Variants in HECW2 observed in about 807,000 individuals in gnomAD.
The protein encoded by HECW2 is HECT, C2 and WW domain containing E3 ubiquitin protein ligase 2.
A neutral mutation model predicts 175.2 loss-of-function variants in HECW2; 61 were observed. The ratio of observed to expected loss-of-function variants is 0.35; its 90% CI spans 0.28 to 0.43. The LOEUF (loss-of-function observed/expected upper bound fraction) is 0.43. HECW2 is among the 20% of genes least tolerant of loss of function. The pLI is 1.00. For missense variants in HECW2, 1,524 were observed against 2,000.5 expected (o/e 0.76, Z 4.54); for synonymous variants, 671 against 731.0 (o/e 0.92, Z 1.32).
intron 3 of HECW2, among the ~76,000 whole-genome samples, chr2:196,342,986 T>C (rs1311825276): frequency 6.6e-6 from 1 of 150,734 alleles, no homozygotes; most frequent in African/African-American, 2.4e-5. Context: ...ATGTAAAATA[T>C]AAAATATACT....
intron 2 of HECW2, among the ~76,000 whole-genome samples, chr2:196,400,022 C>T (rs1694776261): frequency 6.6e-6 from 1 of 152,060 alleles, no homozygotes; most frequent in South Asian, 2.1e-4. Context: ...TGGGTGCCTG[C>T]TAAAATAATA....
chr2:196,488,304 T>C (rs1687073966), intron 1 of HECW2, among the ~76,000 whole-genome samples: 1 of 152,208 alleles, frequency 6.6e-6, no homozygotes, highest in Non-Finnish European at 1.5e-5. Flanking sequence ...ATATATCACA[T>C]TATATTTCTG....
At chr2:196,409,973 A>G (rs574018684) in intron 2 of HECW2, among the ~76,000 whole-genome samples, 1 of 152,326 alleles carries the variant, frequency 6.6e-6, no homozygotes, top group Non-Finnish European at 1.5e-5. Flanking sequence ...GGTTTGGTAG[A>G]GTTTGGGGGT....
At chr2:196,379,319 C>CT (rs1383370605) in intron 2 of HECW2, among the ~76,000 whole-genome samples, 2 of 152,122 alleles carry the variant, frequency 1.3e-5, no homozygotes, top group Non-Finnish European at 2.9e-5. Context: ...TGAGAATACT[C>CT]TATGTCCTGA....
chr2:196,327,496 T>C (rs926027441), intron 5 of HECW2, among the ~76,000 whole-genome samples: 6 of 152,222 alleles, frequency 3.9e-5, no homozygotes, highest in Non-Finnish European at 8.8e-5. Context: ...ATTTGCAGCA[T>C]GTTTAAAATA....
chr2:196,491,543 T>C (rs760449292), intron 1 of HECW2, among the ~76,000 whole-genome samples: 11 of 151,014 alleles, frequency 7.3e-5, no homozygotes, highest in Non-Finnish European at 1.5e-4. Flanking sequence ...CACATATATA[T>C]GTATATATGG....
chr2:196,513,585 A>G (rs1221480816), intron 1 of HECW2, among the ~76,000 whole-genome samples: 1 of 152,236 alleles, frequency 6.6e-6, no homozygotes, highest in Non-Finnish European at 1.5e-5. Flanking sequence ...AAGGGCTTAC[A>G]TTCTTGTTGG....
intron 10 of HECW2, among the ~76,000 whole-genome samples, chr2:196,311,415 A>G (rs1483461451): frequency 6.6e-6 from 1 of 152,202 alleles, no homozygotes; most frequent in Non-Finnish European, 1.5e-5. Context: ...AATTAATAAG[A>G]ACTTAAAACA....
chr2:196,323,898 AGTTTTTTTTGTTTTTTGTTT>A (rs1208683705), intron 6 of HECW2, among the ~76,000 whole-genome samples: 3 of 133,844 alleles, frequency 2.2e-5, no homozygotes, highest in African/African-American at 9.0e-5. Flanking sequence ...TGCCCTTAAG[AGTTTTTTTTGTTTTTTGTTT>A]GTTTTTTTTT....
chr2:196,591,769 T>A (rs1455537086), intron 1 of HECW2, among the ~76,000 whole-genome samples: 15 of 152,214 alleles, frequency 9.9e-5, no homozygotes, highest in African/African-American at 3.6e-4. Flanking sequence ...CCCGCAGGAA[T>A]CTTCTGATGA....
At chr2:196,420,267 G>C (rs1411772545) in intron 2 of HECW2, among the ~76,000 whole-genome samples, 3 of 152,152 alleles carry the variant, frequency 2.0e-5, no homozygotes, top group African/African-American at 7.2e-5. Flanking sequence ...CATATGAACT[G>C]CACACTACTG....
At chr2:196,463,399 A>G (rs1381832821) in intron 1 of HECW2, among the ~76,000 whole-genome samples, 1 of 142,204 alleles carries the variant, frequency 7.0e-6, no homozygotes, top group Non-Finnish European at 1.5e-5. Flanking sequence ...ACCACCCTCT[A>G]CCCTGCAAAA....
chr2:196,243,064 T>C (rs1688518966), intron 19 of HECW2, among the ~76,000 whole-genome samples: 1 of 152,214 alleles, frequency 6.6e-6, no homozygotes, highest in Admixed American at 6.5e-5. Flanking sequence ...AATCTCATAT[T>C]GCAGGGTAAA....
At chr2:196,563,970 C>G (rs1690094475) in intron 1 of HECW2, among the ~76,000 whole-genome samples, 1 of 152,182 alleles carries the variant, frequency 6.6e-6, no homozygotes. Flanking sequence ...CACACAGTAT[C>G]ATCCCAGAGA....
At chr2:196,433,770 A>AC (rs1263101297) in intron 1 of HECW2, among the ~76,000 whole-genome samples, 2 of 151,732 alleles carry the variant, frequency 1.3e-5, no homozygotes, top group African/African-American at 2.4e-5. Flanking sequence ...TTTCCCAAAC[A>AC]CCCCACGTTC....
At chr2:196,401,929 G>A (rs956904379) in intron 2 of HECW2, among the ~76,000 whole-genome samples, 6 of 152,016 alleles carry the variant, frequency 3.9e-5, no homozygotes, top group East Asian at 1.9e-4. Context: ...TGCCAGGCGC[G>A]GTGGCTCACG....
intron 19 of HECW2, among the ~76,000 whole-genome samples, chr2:196,251,548 A>G (rs138367131): frequency 2.0e-5 from 3 of 152,168 alleles, no homozygotes; most frequent in Admixed American, 6.5e-5. Context: ...AACTCACTCA[A>G]TCTTCCAATT....
chr2:196,401,354 A>G (rs1694812514), intron 2 of HECW2, among the ~76,000 whole-genome samples: 1 of 152,236 alleles, frequency 6.6e-6, no homozygotes, highest in Admixed American at 6.5e-5. Flanking sequence ...CTATTTACAG[A>G]AGAATGCATA....
intron 1 of HECW2, among the ~76,000 whole-genome samples, chr2:196,588,246 T>C (rs540668922): frequency 7.0e-4 from 106 of 152,326 alleles, no homozygotes; most frequent in Non-Finnish European, 1.1e-3. Context: ...CATTGATATA[T>C]TCCCAGCACC....
Sources: allele counts gnomAD v4.1 joint callset (sites outside exome capture counted in the v4.1 genomes callset), GRCh38; gene constraint gnomAD v4.1.1; transcripts MANE v1.5; gene names NCBI Gene and HGNC (gene_info 2026-07-23, HGNC 2026-07-21).